ASAH2: variants seen among roughly 807,000 people sequenced by gnomAD.
ASAH2 encodes N-acylsphingosine amidohydrolase 2, also known as neutral ceramidase.
ASAH2 carries 58 observed loss-of-function variants against 82.9 expected under a neutral mutation model. The ratio of observed to expected loss-of-function variants is 0.70; its 90% CI spans 0.57 to 0.87. ASAH2 has a LOEUF of 0.87. ASAH2 is among the 40% of genes least tolerant of loss of function. ASAH2 has a pLI of 0.00. For missense variants in ASAH2, 779 were observed against 834.0 expected (o/e 0.93, Z 0.81); for synonymous variants, 276 against 289.7 (o/e 0.95, Z 0.48).
At chr10:50,230,257 G>A (rs1845988819) in intron 7 of ASAH2, among the ~76,000 whole-genome samples, 1 of 152,132 alleles carries the variant, frequency 6.6e-6, no homozygotes, top group East Asian at 1.9e-4. Context: ...CTCAAATATG[G>A]TTTTCATTGT....
intron 7 of ASAH2, among the ~76,000 whole-genome samples, chr10:50,219,987 G>A (rs941377413): frequency 6.6e-6 from 1 of 152,170 alleles, no homozygotes; most frequent in Non-Finnish European, 1.5e-5. Context: ...GTTTTCATAT[G>A]TATTTATCAA....
chr10:50,236,151 T>G, intron 4 of ASAH2, 87 bp from the exon 5 acceptor site: 3 of 1,138,140 alleles, frequency 2.6e-6, no homozygotes, highest in Non-Finnish European at 4.0e-6. Flanking sequence ...CAATCACTGA[T>G]CCATACCAAT....
At chr10:50,223,429 A>G (rs1270088112) in intron 7 of ASAH2, among the ~76,000 whole-genome samples, 1 of 152,138 alleles carries the variant, frequency 6.6e-6, no homozygotes, top group Non-Finnish European at 1.5e-5. Flanking sequence ...TGAGCCTGGC[A>G]CTTCAGCCAG....
chr10:50,228,354 C>T (rs980633808), intron 7 of ASAH2, among the ~76,000 whole-genome samples: 7 of 151,910 alleles, frequency 4.6e-5, no homozygotes, highest in East Asian at 1.9e-4. Context: ...GTTAAGTGGA[C>T]GGAGGGGAGA....
At chr10:50,203,581 T>G (rs1845217672) in intron 15 of ASAH2, 59 bp downstream of exon 15, 2 of 1,345,050 alleles carry the variant, frequency 1.5e-6, no homozygotes, top group Non-Finnish European at 2.1e-6. Flanking sequence ...AGGGATAGGA[T>G]ATACTTTCCT....
intron 17 of ASAH2, among the ~76,000 whole-genome samples, chr10:50,197,218 T>C (rs2133196237): frequency 6.6e-6 from 1 of 151,968 alleles, no homozygotes; most frequent in East Asian, 2.0e-4. Flanking sequence ...TTTCAAATTG[T>C]CTGACTTTGT....
intron 5 of ASAH2, 100 bp downstream of exon 5, chr10:50,235,788 G>A (rs1846144972): frequency 7.4e-7 from 1 of 1,357,594 alleles, no homozygotes; most frequent in South Asian, 1.2e-5. Context: ...ACTATGCTCA[G>A]ACCCAAATCC....
intron 7 of ASAH2, 51 bp from the exon 8 acceptor site, chr10:50,218,681 G>A (rs1845672292): frequency 6.2e-7 from 1 of 1,610,428 alleles, no homozygotes; most frequent in Non-Finnish European, 8.5e-7. Context: ...AGAGAACTGG[G>A]GCCAAGAACT....
intron 7 of ASAH2, among the ~76,000 whole-genome samples, chr10:50,226,104 AT>A (rs1376043465): frequency 2.4e-4 from 37 of 151,876 alleles, no homozygotes; most frequent in African/African-American, 8.7e-4. Context: ...AAAAAAAAAA[AT>A]GTTTATCACG....
chr10:50,203,827 C>A, intron 14 of ASAH2, 148 bp from the exon 15 acceptor site: 1 of 727,742 alleles, frequency 1.4e-6, no homozygotes, highest in South Asian at 1.6e-5. Context: ...AAAAGCTAAA[C>A]TTGAACTTTT....
intron 1 of ASAH2, among the ~76,000 whole-genome samples, chr10:50,249,249 A>G (rs1862557839): frequency 6.6e-6 from 1 of 152,228 alleles, no homozygotes; most frequent in South Asian, 2.1e-4. Context: ...GGCAGGCATT[A>G]CAAAAAACAT....
chr10:50,230,735 C>A (rs1228365916), intron 7 of ASAH2, among the ~76,000 whole-genome samples: 2 of 151,976 alleles, frequency 1.3e-5, no homozygotes, highest in Non-Finnish European at 1.5e-5. Flanking sequence ...ATTTTCTGTT[C>A]CAGTTATTAA....
In ASAH2 at chr10:50,245,438, A is replaced by C; in HGVS notation, c.144T>G (p.Phe48Leu). 2 of 1,613,402 alleles carry C rather than the reference A, an allele frequency of 1.2e-6. No individual in the cohort carries two copies. Among genetic ancestry groups the C allele is most frequent in the Non-Finnish European group, 1.7e-6 (2 of 1,179,698 alleles). The change falls in exon 3 of 21, where the codon TTT becomes TTG. Residue 48 changes from phenylalanine (F) to leucine (L), a missense_variant. Around this residue, in one of 3 missense-constraint regions of ASAH2, gnomAD observed 759 missense variants for 755.2 expected, o/e 1.00. Coordinates refer to ENST00000682911, the MANE Select transcript of ASAH2 (RefSeq NM_019893.4). ...CTGGAGGGCTTTGGGTGGTTGAAAA[A>C]AAATGGCCTCCTAAATCTAAAACAG... ...IENHKDLGGHFFSTTQSPPAT... is the reference protein window; with the variant it reads ...IENHKDLGGHLFSTTQSPPAT...
intron 2 of ASAH2, among the ~76,000 whole-genome samples, chr10:50,247,615 G>C (rs957964799): frequency 1.3e-5 from 2 of 152,006 alleles, no homozygotes; most frequent in Non-Finnish European, 2.9e-5. Context: ...AAAGAGACAG[G>C]CTACAAAAGG....
chr10:50,217,387 C>A (rs937418606), intron 8 of ASAH2, among the ~76,000 whole-genome samples: 1,587 of 152,058 alleles, frequency 0.01, 16 homozygotes, highest in Non-Finnish European at 0.019. Flanking sequence ...ACCACCATGC[C>A]CGATTAATGT....
At chr10:50,197,233 G>T (rs1166092373) in intron 17 of ASAH2, among the ~76,000 whole-genome samples, 1 of 151,726 alleles carries the variant, frequency 6.6e-6, no homozygotes, top group Non-Finnish European at 1.5e-5. Context: ...CTTTGTACAG[G>T]GGCCTAACAT....
intron 7 of ASAH2, among the ~76,000 whole-genome samples, chr10:50,225,564 T>C (rs1463132734): frequency 1.3e-5 from 2 of 152,210 alleles, no homozygotes; most frequent in African/African-American, 4.8e-5. Flanking sequence ...GTGATTTGAC[T>C]TTTTTAAGCC....
intron 16 of ASAH2, among the ~76,000 whole-genome samples, chr10:50,202,036 G>T (rs1845162811): frequency 6.6e-6 from 1 of 152,034 alleles, no homozygotes; most frequent in Non-Finnish European, 1.5e-5. Flanking sequence ...AGTGAAGAAA[G>T]GATGTAATTC....
chr10:50,202,710 T>C (rs929180179), intron 16 of ASAH2, 119 bp downstream of exon 16: 1 of 779,608 alleles, frequency 1.3e-6, no homozygotes, highest in Non-Finnish European at 2.3e-6. Flanking sequence ...CTGTTATACC[T>C]GAAACATAAT....
Sources: allele counts gnomAD v4.1 joint callset (sites outside exome capture counted in the v4.1 genomes callset), GRCh38; gene constraint gnomAD v4.1.1; regional missense constraint gnomAD v4.1.1; transcripts MANE v1.5; gene names NCBI Gene and HGNC (gene_info 2026-07-23, HGNC 2026-07-21).